Variants in RXYLT1 observed in about 807,000 individuals in gnomAD.
The protein encoded by RXYLT1 is ribitol-5-phosphate xylosyltransferase 1.
RXYLT1 carries 41 observed loss-of-function variants against 43.5 expected under a neutral mutation model. The observed-to-expected ratio is 0.94, with a 90% confidence interval of 0.73 to 1.22. The LOEUF (loss-of-function observed/expected upper bound fraction) is 1.22, where lower values mean the gene tolerates loss of function less well. Ranked by LOEUF, RXYLT1 falls within the 50% of genes most tolerant of loss-of-function variation. The pLI, the probability that RXYLT1 is intolerant of heterozygous loss-of-function variation, is 0.00. For synonymous variants in RXYLT1, 166 were observed against 194.4 expected (o/e 0.85, Z 1.21); for missense variants, 514 against 532.0 (o/e 0.97, Z 0.33).
chr12:63,802,553 G>T (rs1028736469), intron 4 of RXYLT1, 148 bp downstream of exon 4: 2 of 625,792 alleles, frequency 3.2e-6, no homozygotes, highest in Non-Finnish European at 5.1e-6. Flanking sequence ...ACAGGGTGTG[G>T]TCGCATCCTT....
chr12:63,795,718 A>G (rs940755581), intron 3 of RXYLT1: 54 of 152,284 alleles, frequency 3.5e-4, no homozygotes, highest in Non-Finnish European at 7.6e-4. Context: ...ATATAATACC[A>G]GACTCATTTC....
intron 2 of RXYLT1, among the ~76,000 whole-genome samples, chr12:63,783,620 AATCT>A (rs1015030483): frequency 3.3e-5 from 5 of 152,254 alleles, no homozygotes; most frequent in Middle Eastern, 3.4e-3. Context: ...TATTCAAGGC[AATCT>A]AATCTAGGCT....
intron 1 of RXYLT1, chr12:63,780,384 C>T: frequency 7.8e-7 from 1 of 1,277,278 alleles, no homozygotes; most frequent in Non-Finnish European, 9.8e-7. Flanking sequence ...CTTTCAAACA[C>T]GTGTTAAAAT....
chr12:63,791,564 G>A (rs553999333), intron 3 of RXYLT1, among the ~76,000 whole-genome samples: 22 of 152,314 alleles, frequency 1.4e-4, no homozygotes, highest in African/African-American at 5.3e-4. Context: ...AACGTTAATG[G>A]TTACTGACAT....
In RXYLT1 at chr12:63,781,138, G is replaced by T; in HGVS notation, c.289G>T (p.Asp97Tyr). ...AGATAAATCCACGAAAGGAAAAACA[G>T]ATCTCAGTGTACAAATCTGGGGCAA... ...ILDKSTKGKT[D>Y]LSVQIWGKAA... Residue 97 changes from aspartate to tyrosine, a missense_variant, in exon 2 of 6, where the codon GAT (aspartate) becomes TAT (tyrosine). By Grantham distance (160) the Asp-to-Tyr change is radical (BLOSUM62 -3). Transcript: ENST00000261234. 6.2e-7 allele frequency: 1 copy of T among 1,604,730 alleles called. No individual in the cohort carries two copies. Among genetic ancestry groups the T allele is most frequent in the Non-Finnish European group, 8.5e-7 (1 of 1,176,366 alleles).
At chr12:63,797,874 AT>A (rs1267502905) in intron 3 of RXYLT1, among the ~76,000 whole-genome samples, 1 of 152,160 alleles carries the variant, frequency 6.6e-6, no homozygotes, top group Non-Finnish European at 1.5e-5. Context: ...CCAGGGACAA[AT>A]TTGAGAAATA....
At chr12:63,789,453 C>G (rs1897875027) in intron 3 of RXYLT1, among the ~76,000 whole-genome samples, 1 of 152,142 alleles carries the variant, frequency 6.6e-6, no homozygotes, top group South Asian at 2.1e-4. Context: ...ATTGTGGGAG[C>G]TACAGTTCAA....
At chr12:63,802,665 G>A (rs1898190005) in intron 4 of RXYLT1, among the ~76,000 whole-genome samples, 2 of 151,974 alleles carry the variant, frequency 1.3e-5, no homozygotes, top group South Asian at 4.1e-4. Flanking sequence ...GATTTTTCAA[G>A]CTTATTAGGA....
At chr12:63,785,784 A>G (rs1431868239) in intron 3 of RXYLT1, among the ~76,000 whole-genome samples, 1 of 152,082 alleles carries the variant, frequency 6.6e-6, no homozygotes, top group Admixed American at 6.5e-5. Flanking sequence ...CAGTTGTATT[A>G]TTGGGGGAAA....
In RXYLT1 at chr12:63,805,361, A is replaced by G; in HGVS notation, c.871A>G (p.Lys291Glu). The G allele has an allele frequency of 6.2e-7, 1 of 1,610,476 alleles. No homozygotes were observed. Among genetic ancestry groups the G allele is most frequent in the Non-Finnish European group, 8.5e-7 (1 of 1,178,954 alleles). ...SRQALMNILK[K>E]DGNDKLCWVS... ...ACAGGCACTAATGAACATTTTGAAA[A>G]AAGATGGGAACGATAAGCTTTGTTG... Residue 291 changes from lysine to glutamate, a missense_variant, in exon 5 of 6, where the codon AAA becomes GAA. By Grantham distance (56) the Lys-to-Glu change is moderately conservative. Transcript: ENST00000261234.
rs1041105618 is a variant in RXYLT1 at position 63,808,407 on chromosome 12, C to T, written c.915-268C>T. The stretch of plus-strand genomic sequence containing the variant: ...GGTAGGGAAGAGAGGACCTAGCACT[C>T]CCAAAGTATCGGTTGAATTATTATT... On this transcript the variant is annotated intron_variant, in intron 5 of 5. Coordinates refer to ENST00000261234, the MANE Select transcript of RXYLT1 (RefSeq NM_014254.3). 1.4e-5 allele frequency: 6 copies of T among 428,536 alleles called. No individual in the cohort carries two copies. In the Middle Eastern group the frequency reaches 1.9e-3, roughly 133 times the overall value. The allele number at this position is 428,536 out of a possible 1,614,324, so 26.5% of individuals were successfully genotyped here.
chr12:63,808,397 A>T (rs1898358849), intron 5 of RXYLT1: 1 of 409,184 alleles, frequency 2.4e-6, no homozygotes, highest in Non-Finnish European at 4.3e-6. Flanking sequence ...GGAAGAGAGG[A>T]CCTAGCACTC....
Position 63,808,857 on chromosome 12 carries a change from C to T in RXYLT1, c.1097C>T (p.Ser366Phe). Residue 366 changes from serine to phenylalanine, a missense_variant, in exon 6 of 6, where the codon TCT (serine) becomes TTT (phenylalanine). Transcript: ENST00000261234. ...VMTAGNCGNT[S>F]VHHGAPLQLL... The stretch of plus-strand genomic sequence containing the variant: ...ACAGCTGGCAACTGTGGGAATACAT[C>T]TGTGCACCACGGTGCTCCTCTGCAG... 1.2e-6 allele frequency: 2 copies of T among 1,614,134 alleles called. No homozygotes were observed. Among genetic ancestry groups the T allele is most frequent in the Non-Finnish European group, 1.7e-6 (2 of 1,180,036 alleles).
At position 63,781,001 on chromosome 12, in the gene RXYLT1, T is replaced by C; in HGVS notation, c.170-18T>C. 1 of 1,553,136 alleles carries C rather than the reference T, an allele frequency of 6.4e-7. No individual in the cohort carries two copies. Reference sequence around the variant, plus strand: ...GCAATAATACCTTACTGGTAAACACTTACTCTTTTTAAAACAGAACAGTCC... The same window carrying C: ...GCAATAATACCTTACTGGTAAACACCTACTCTTTTTAAAACAGAACAGTCC... On this transcript the variant is annotated intron_variant, in intron 1 of 5. Coordinates refer to ENST00000261234, the MANE Select transcript of RXYLT1 (RefSeq NM_014254.3).
intron 5 of RXYLT1, chr12:63,808,115 G>A (rs1898349997): frequency 6.5e-6 from 1 of 153,658 alleles, no homozygotes; most frequent in Non-Finnish European, 1.4e-5. Flanking sequence ...GCTGTCTCAT[G>A]GCCTTCACTC....
Position 63,808,665 on chromosome 12 carries a change from G to T in RXYLT1, c.915-10G>T. The T allele has an allele frequency of 6.3e-7, 1 of 1,591,604 alleles. No homozygotes were observed. The highest frequency in any genetic ancestry group is 1.2e-5 in the South Asian group (1 of 86,108). ...AAGTGAAAACTACAGTTGTTTTTCTGATTTTCTAGCTGGCAGCCTCAGGAA... is the reference window on the plus strand; with the variant it reads ...AAGTGAAAACTACAGTTGTTTTTCTTATTTTCTAGCTGGCAGCCTCAGGAA... On this transcript the variant is annotated splice_polypyrimidine_tract_variant and intron_variant, in intron 5 of 5. Transcript: ENST00000261234.
chr12:63,787,160 A>G (rs142883228), intron 3 of RXYLT1, among the ~76,000 whole-genome samples: 6 of 152,278 alleles, frequency 3.9e-5, no homozygotes, highest in African/African-American at 7.2e-5. Context: ...TGCTTTATCA[A>G]CTACATTTTT....
intron 2 of RXYLT1, 77 bp downstream of exon 2, chr12:63,781,251 A>T (rs1468681515): frequency 1.5e-6 from 2 of 1,301,560 alleles, no homozygotes; most frequent in African/African-American, 3.1e-5. Flanking sequence ...TCATTTTAAT[A>T]TAATTTATTT....
At chr12:63,799,511 G>A (rs548713779) in intron 3 of RXYLT1, among the ~76,000 whole-genome samples, 5 of 151,660 alleles carry the variant, frequency 3.3e-5, no homozygotes, top group South Asian at 2.1e-4. Flanking sequence ...GGCTGGTCTC[G>A]AACTCCTGGA....
Sources: allele counts gnomAD v4.1 joint callset (sites outside exome capture counted in the v4.1 genomes callset), GRCh38; gene constraint gnomAD v4.1.1; transcripts MANE v1.5; gene names NCBI Gene and HGNC (gene_info 2026-07-23, HGNC 2026-07-21).